GPR137C: variants seen among roughly 807,000 people sequenced by gnomAD.
The protein encoded by GPR137C is integral membrane protein GPR137C.
GPR137C carries 27 observed loss-of-function variants against 43.4 expected under a neutral mutation model. The observed-to-expected ratio is 0.62, with a 90% CI of 0.46 to 0.86. The LOEUF is 0.86. Ranked by LOEUF, GPR137C falls within the 40% of genes least tolerant of loss-of-function variation. The probability of loss-of-function intolerance (pLI) is 0.00; values close to 1 mark genes in which losing one functional copy is unlikely to be tolerated. For synonymous variants in GPR137C, 285 were observed against 226.9 expected, an observed-to-expected ratio of 1.26 and a Z score of -2.30; for missense variants, 522 against 534.6, an observed-to-expected ratio of 0.98 and a Z score of 0.23.
rs2039345077 is a variant in GPR137C at position 52,635,624 on chromosome 14, A to G, written c.*509A>G. 1 of 152,174 alleles carries G rather than the reference A, an allele frequency of 6.6e-6. No homozygotes were observed. Among genetic ancestry groups the G allele is most frequent in the African/African-American group, 2.4e-5 (1 of 41,466 alleles). The allele number at this position is 152,174 out of a possible 1,614,324, so 9.4% of individuals were successfully genotyped here. Reference sequence around the variant, plus strand: ...CATTCTTTATAAAAATCTACTGAAAATGTGTAATCATTGAAGACAGTTCTT... The same window carrying G: ...CATTCTTTATAAAAATCTACTGAAAGTGTGTAATCATTGAAGACAGTTCTT... On this transcript the variant is annotated 3_prime_UTR_variant, in exon 7 of 7. Coordinates refer to ENST00000321662, the MANE Select transcript of GPR137C (RefSeq NM_001099652.2).
At position 52,577,154 on chromosome 14, in the gene GPR137C, T is replaced by A. The variant is rs554282653; in HGVS notation, c.445-21118T>A. Among the ~76,000 whole-genome samples the A allele has an allele frequency of 2.6e-5, 3 of 114,424 alleles. No homozygotes were observed. In the East Asian group the frequency reaches 8.7e-4, roughly 33 times the overall value. 75.1% of individuals were successfully genotyped at this position (114,424 alleles called of 152,430 possible). The stretch of plus-strand genomic sequence containing the variant: ...ATAAGCCAAATTCGTGCCACTGCAC[T>A]CCAGCCTGGGCGACAGAGTAAGACT... On this transcript the variant is annotated intron_variant, in intron 1 of 6. Coordinates refer to ENST00000321662, the MANE Select transcript of GPR137C (RefSeq NM_001099652.2).
At chr14:52,580,805 A>G (rs2038632702) in intron 1 of GPR137C, among the ~76,000 whole-genome samples, 2 of 142,204 alleles carry the variant, frequency 1.4e-5, no homozygotes, top group Non-Finnish European at 3.1e-5. Flanking sequence ...TTATATTTAT[A>G]TATTATTTAT....
At chr14:52,621,892 AAT>A (rs920913447) in intron 3 of GPR137C, among the ~76,000 whole-genome samples, 8 of 151,726 alleles carry the variant, frequency 5.3e-5, no homozygotes, top group African/African-American at 1.7e-4. Flanking sequence ...AGATTATAAA[AAT>A]ATCCATTTAT....
chr14:52,554,448 T>A (rs1197698319), intron 1 of GPR137C, among the ~76,000 whole-genome samples: 1 of 152,198 alleles, frequency 6.6e-6, no homozygotes, highest in East Asian at 1.9e-4. Context: ...CTGCAGCGCT[T>A]AGGTATTTGA....
At chr14:52,600,916 G>T (rs2038916387) in intron 3 of GPR137C, among the ~76,000 whole-genome samples, 1 of 152,186 alleles carries the variant, frequency 6.6e-6, no homozygotes, top group Non-Finnish European at 1.5e-5. Context: ...GTTTTTATTT[G>T]TATAAAGGTT....
At chr14:52,604,444 CT>C (rs567318921) in intron 3 of GPR137C, among the ~76,000 whole-genome samples, 143 of 142,076 alleles carry the variant, frequency 1.0e-3, no homozygotes, top group Admixed American at 9.9e-4. Context: ...AGAGATGGGG[CT>C]TTTTTTTTTT....
chr14:52,586,446 CAATT>C (rs1434181060), intron 1 of GPR137C, among the ~76,000 whole-genome samples: 5 of 152,010 alleles, frequency 3.3e-5, no homozygotes, highest in Non-Finnish European at 7.4e-5. Flanking sequence ...ACCAGTCACT[CAATT>C]AAATGGTCTT....
chr14:52,577,533 C>G (rs1189264164), intron 1 of GPR137C, among the ~76,000 whole-genome samples: 1 of 151,828 alleles, frequency 6.6e-6, no homozygotes, highest in Non-Finnish European at 1.5e-5. Flanking sequence ...CACACACACA[C>G]ACACACACGA....
In GPR137C at chr14:52,637,588, T is replaced by A. The variant is rs1455423707; in HGVS notation, c.*2473T>A. The A allele has an allele frequency of 6.6e-6, 1 of 152,190 alleles. No individual in the cohort carries two copies. The highest frequency in any genetic ancestry group is 1.9e-4 in the East Asian group (1 of 5,204). 9.4% of individuals were successfully genotyped at this position (152,190 alleles called of 1,614,324 possible). A position where few individuals can be genotyped will look rare whatever the true frequency, so the allele number is the denominator to read the frequency against. ...CTTTTTTATTGTTTAACAGTGTTTCTCAGCTATATAATCAGTTTCAAACTG... is the reference window on the plus strand; with the variant it reads ...CTTTTTTATTGTTTAACAGTGTTTCACAGCTATATAATCAGTTTCAAACTG... On this transcript the variant is annotated 3_prime_UTR_variant, in exon 7 of 7. Transcript: ENST00000321662.
At chr14:52,610,692 T>G (rs2039029443) in intron 3 of GPR137C, among the ~76,000 whole-genome samples, 1 of 152,178 alleles carries the variant, frequency 6.6e-6, no homozygotes, top group Non-Finnish European at 1.5e-5. Flanking sequence ...GTAGTAGATG[T>G]TCGGTAAATA....
chr14:52,628,011 T>C (rs2039249169), intron 3 of GPR137C, among the ~76,000 whole-genome samples: 1 of 152,206 alleles, frequency 6.6e-6, no homozygotes, highest in African/African-American at 2.4e-5. Flanking sequence ...TTAGTTTAAT[T>C]TAAATGTAAA....
At position 52,635,135 on chromosome 14, in the gene GPR137C, T is replaced by C; in HGVS notation, c.*20T>C. The C allele has an allele frequency of 6.5e-7, 1 of 1,529,502 alleles. No homozygotes were observed. The allele number at this position is 1,529,502 out of a possible 1,614,324, so 94.7% of individuals were successfully genotyped here. A position where few individuals can be genotyped will look rare whatever the true frequency, so the allele number is the denominator to read the frequency against. ...AACTGACAGCATCACCAAGTCATGA[T>C]TCTTGAGTTGTTTTTCATAAATGTG... On this transcript the variant is annotated 3_prime_UTR_variant, in exon 7 of 7. Transcript: ENST00000321662.
intron 3 of GPR137C, among the ~76,000 whole-genome samples, chr14:52,614,081 G>A (rs56289337): frequency 6.6e-6 from 1 of 151,358 alleles, no homozygotes; most frequent in Non-Finnish European, 1.5e-5. Flanking sequence ...TTATAGTTTT[G>A]ATTTGTATTT....
chr14:52,624,223 A>AAG, intron 3 of GPR137C, among the ~76,000 whole-genome samples: 1 of 151,500 alleles, frequency 6.6e-6, no homozygotes, highest in East Asian at 1.9e-4. Context: ...GGTAAAAAAA[A>AAG]AAAAAAGAAA....
intron 6 of GPR137C, 119 bp downstream of exon 6, chr14:52,634,065 G>C: frequency 4.5e-6 from 3 of 666,402 alleles, no homozygotes; most frequent in East Asian, 2.7e-5. Flanking sequence ...CAATAAATAA[G>C]ATCGGCAATA....
intron 1 of GPR137C, among the ~76,000 whole-genome samples, chr14:52,580,570 C>T (rs1331991726): frequency 6.6e-6 from 1 of 151,710 alleles, no homozygotes; most frequent in Admixed American, 6.6e-5. Context: ...CACCATGTTG[C>T]CCTGGGTGGT....
At chr14:52,560,252 C>T (rs1370962096) in intron 1 of GPR137C, among the ~76,000 whole-genome samples, 1 of 152,098 alleles carries the variant, frequency 6.6e-6, no homozygotes, top group Non-Finnish European at 1.5e-5. Context: ...AACTACAAAA[C>T]ATTATTGAGA....
At position 52,636,521 on chromosome 14, in the gene GPR137C, G is replaced by A. The variant is rs934180247; in HGVS notation, c.*1406G>A. 2 of 151,990 alleles carry A rather than the reference G, an allele frequency of 1.3e-5. No homozygotes were observed. Among genetic ancestry groups the A allele is most frequent in the South Asian group, 2.1e-4 (1 of 4,830 alleles). 9.4% of individuals were successfully genotyped at this position (151,990 alleles called of 1,614,324 possible). A position where few individuals can be genotyped will look rare whatever the true frequency, so the allele number is the denominator to read the frequency against. ...ATTTCTTCAGAACTGGAACTAATAC[G>A]ACTATCCTTTTCTGTTTTATACTTT... On this transcript the variant is annotated 3_prime_UTR_variant, in exon 7 of 7. Coordinates refer to ENST00000321662, the MANE Select transcript of GPR137C (RefSeq NM_001099652.2).
chr14:52,625,985 A>G (rs959608089), intron 3 of GPR137C, among the ~76,000 whole-genome samples: 1 of 152,192 alleles, frequency 6.6e-6, no homozygotes, highest in African/African-American at 2.4e-5. Context: ...TGAATTGAAA[A>G]TATTAAATAA....
Sources: gnomAD v4.1 joint callset for allele counts (sites outside exome capture counted in the v4.1 genomes callset) on GRCh38, gnomAD v4.1.1 for gene constraint, MANE v1.5 for transcripts, NCBI Gene and HGNC (gene_info 2026-07-23, HGNC 2026-07-21) for gene names.